SCARA5: variants seen among roughly 807,000 people sequenced by gnomAD.
SCARA5 encodes the protein scavenger receptor class A member 5, also known as scavenger receptor class A, member 5 (putative).
A neutral mutation model predicts 46.3 loss-of-function variants in SCARA5; 45 were observed. The ratio of observed to expected loss-of-function variants is 0.97; its 90% CI spans 0.76 to 1.24. The LOEUF (loss-of-function observed/expected upper bound fraction) is 1.24, where lower values mean the gene tolerates loss of function less well. Among genes scored for constraint, SCARA5 ranks in the 50% most tolerant of loss-of-function variants. The pLI, the probability that SCARA5 is intolerant of heterozygous loss-of-function variation, is 0.00. For synonymous variants in SCARA5, 333 were observed against 306.5 expected (o/e 1.09, Z -0.90); for missense variants, 680 against 689.0 (o/e 0.99, Z 0.15).
intron 8 of SCARA5, among the ~76,000 whole-genome samples, chr8:27,872,327 C>A (rs1017064825): frequency 1.3e-5 from 2 of 152,208 alleles, no homozygotes; most frequent in Non-Finnish European, 2.9e-5. Context: ...GCCGGACAAC[C>A]TCTCCTTTTT....
chr8:27,929,571 G>A (rs1331665891), intron 3 of SCARA5, among the ~76,000 whole-genome samples: 2 of 152,192 alleles, frequency 1.3e-5, no homozygotes, highest in African/African-American at 2.4e-5. Context: ...GAGCAAGTAT[G>A]CTGAATCTCA....
At chr8:27,989,108 T>C (rs1183804770) in intron 1 of SCARA5, among the ~76,000 whole-genome samples, 5 of 150,356 alleles carry the variant, frequency 3.3e-5, no homozygotes, top group Non-Finnish European at 7.4e-5. Context: ...TTCTTCTTTT[T>C]TTTTTTCTGT....
At chr8:27,872,502 C>T (rs756878286) in intron 8 of SCARA5, among the ~76,000 whole-genome samples, 1 of 152,180 alleles carries the variant, frequency 6.6e-6, no homozygotes, top group Non-Finnish European at 1.5e-5. Context: ...ATTTTTGTTA[C>T]GTAGACATTT....
intron 8 of SCARA5, among the ~76,000 whole-genome samples, chr8:27,879,189 C>A (rs938358452): frequency 1.3e-5 from 2 of 152,094 alleles, no homozygotes; most frequent in African/African-American, 2.4e-5. Flanking sequence ...GGCTGGCACA[C>A]TGAGTATCAT....
intron 4 of SCARA5, among the ~76,000 whole-genome samples, chr8:27,913,095 C>T (rs937921172): frequency 6.6e-6 from 1 of 152,224 alleles, no homozygotes; most frequent in Non-Finnish European, 1.5e-5. Context: ...ATTCCAAGCG[C>T]ACCTGAAATC....
intron 7 of SCARA5, among the ~76,000 whole-genome samples, chr8:27,880,857 GAAAA>G (rs71222524): frequency 3.2e-5 from 3 of 94,802 alleles, no homozygotes; most frequent in South Asian, 8.3e-4. Flanking sequence ...CCTGTCTAAG[GAAAA>G]AAAAAAAAAA....
At chr8:27,891,201 T>TTG in intron 7 of SCARA5, among the ~76,000 whole-genome samples, 1 of 49,522 alleles carries the variant, frequency 2.0e-5, no homozygotes, top group African/African-American at 4.5e-5. Flanking sequence ...ATAGGTTTGT[T>TTG]TTTTTTTTGT....
chr8:27,886,556 C>T (rs1309289667), intron 7 of SCARA5, among the ~76,000 whole-genome samples: 1 of 152,200 alleles, frequency 6.6e-6, no homozygotes, highest in Non-Finnish European at 1.5e-5. Flanking sequence ...GCCTCCTTTA[C>T]CCCTGAAGAG....
rs114399720 is a variant in SCARA5 at position 27,979,290 on chromosome 8, G to A, written c.112+8214C>T. Among the ~76,000 whole-genome samples the A allele has an allele frequency of 2.8e-3, 424 of 152,304 alleles. 3 individuals carry two copies. The highest frequency in any genetic ancestry group is 8.9e-3 in the African/African-American group (368 of 41,566). ...CAGAGCCCCAAGGGCAGGCCCAGGA[G>A]CAGAAGCAGACATACTGAAGGGACG... is the stretch of plus-strand genomic sequence containing the variant. On this transcript the variant is annotated intron_variant, in intron 2 of 8. Coordinates refer to ENST00000354914, the MANE Select transcript of SCARA5 (RefSeq NM_173833.6).
intron 5 of SCARA5, among the ~76,000 whole-genome samples, chr8:27,908,542 C>T (rs1807310355): frequency 6.6e-6 from 1 of 152,134 alleles, no homozygotes; most frequent in Non-Finnish European, 1.5e-5. Flanking sequence ...AAATCTGTCT[C>T]CCAGTAATGA....
intron 8 of SCARA5, among the ~76,000 whole-genome samples, chr8:27,876,840 G>A (rs555585537): frequency 6.6e-6 from 1 of 152,216 alleles, no homozygotes; most frequent in East Asian, 1.9e-4. Context: ...AGGCTAGGAG[G>A]CAGAGCGAGA....
chr8:27,878,433 T>G (rs910306732), intron 8 of SCARA5, among the ~76,000 whole-genome samples: 1 of 152,206 alleles, frequency 6.6e-6, no homozygotes, highest in Non-Finnish European at 1.5e-5. Context: ...CACAAGAGTC[T>G]GATTCTTTCC....
intron 8 of SCARA5, among the ~76,000 whole-genome samples, chr8:27,875,189 C>G (rs960733317): frequency 6.7e-6 from 1 of 148,306 alleles, no homozygotes; most frequent in East Asian, 2.1e-4. Flanking sequence ...CTCCCTCCCT[C>G]CCTCCCTTCA....
chr8:27,890,948 G>A (rs538340520), intron 7 of SCARA5, among the ~76,000 whole-genome samples: 3 of 152,192 alleles, frequency 2.0e-5, no homozygotes, highest in African/African-American at 4.8e-5. Context: ...AGCAAGCAGC[G>A]TGGTGGGTGA....
Position 27,871,914 on chromosome 8 carries a change from A to G in SCARA5, c.*20T>C. ...GAAGGGTGCTCTGTGCAGGACCCCG[A>G]ACTTGGGCTCTGCCCACTTTCAGTG... is the stretch of plus-strand genomic sequence containing the variant. On this transcript the variant is annotated 3_prime_UTR_variant, in exon 9 of 9. Transcript: ENST00000354914. 1 of 1,613,692 alleles carries G rather than the reference A, an allele frequency of 6.2e-7. No homozygotes were observed. Among genetic ancestry groups the G allele is most frequent in the Non-Finnish European group, 8.5e-7 (1 of 1,180,018 alleles).
intron 3 of SCARA5, among the ~76,000 whole-genome samples, chr8:27,936,606 A>AAAAAAAAAAAAAAAAAAAC (rs1807861839): frequency 6.8e-6 from 1 of 147,476 alleles, no homozygotes; most frequent in Non-Finnish European, 1.5e-5. Context: ...AAAAAAAAAA[A>AAAAAAAAAAAAAAAAAAAC]AAAAAGGTGG....
chr8:27,954,124 C>G (rs1808172629), intron 3 of SCARA5, among the ~76,000 whole-genome samples: 1 of 152,214 alleles, frequency 6.6e-6, no homozygotes, highest in Non-Finnish European at 1.5e-5. Context: ...TGCTTGTGTC[C>G]TCAGGGCACT....
chr8:27,989,588 G>C (rs756167570), intron 1 of SCARA5, among the ~76,000 whole-genome samples: 13 of 152,052 alleles, frequency 8.5e-5, no homozygotes, highest in Non-Finnish European at 1.9e-4. Flanking sequence ...CCCCATAACG[G>C]GCACACACAC....
intron 2 of SCARA5, among the ~76,000 whole-genome samples, chr8:27,977,957 A>G (rs532831311): frequency 6.6e-6 from 1 of 152,300 alleles, no homozygotes; most frequent in Admixed American, 6.5e-5. Flanking sequence ...TCAAAATGAT[A>G]ATATATTGGA....
Sources: allele counts gnomAD v4.1 joint callset (sites outside exome capture counted in the v4.1 genomes callset), GRCh38; gene constraint gnomAD v4.1.1; transcripts MANE v1.5; gene names NCBI Gene and HGNC (gene_info 2026-07-23, HGNC 2026-07-21).